DLC1: variants seen among roughly 807,000 people sequenced by gnomAD.
DLC1 encodes rho GTPase-activating protein 7.
Under a neutral mutation model 140.3 loss-of-function variants are expected in DLC1, and 54 were observed. That is an observed-to-expected ratio of 0.38 (90% CI 0.31 to 0.48). DLC1 has a LOEUF of 0.48. Among genes scored for constraint, DLC1 ranks in the 20% least tolerant of loss-of-function variants. DLC1 has a pLI of 0.96. For missense variants in DLC1, 2,536 were observed against 1,907.0 expected (o/e 1.33, Z -6.14); for synonymous variants, 986 against 728.1 (o/e 1.35, Z -5.70).
intron 5 of DLC1, among the ~76,000 whole-genome samples, chr8:13,136,860 G>T (rs183933444): frequency 7.0e-4 from 106 of 152,250 alleles, no homozygotes; most frequent in Non-Finnish European, 1.2e-3. Flanking sequence ...TTTCATGGCT[G>T]TGTAGTTGAA....
chr8:13,369,354 CGA>C (rs1835631461), intron 4 of DLC1, among the ~76,000 whole-genome samples: 9 of 128,078 alleles, frequency 7.0e-5, no homozygotes, highest in Admixed American at 8.0e-5. Flanking sequence ...TTGGCTGGGT[CGA>C]AAAAAAAAAA....
intron 5 of DLC1, among the ~76,000 whole-genome samples, chr8:13,149,399 C>T (rs1823651586): frequency 6.6e-6 from 1 of 152,176 alleles, no homozygotes; most frequent in African/African-American, 2.4e-5. Flanking sequence ...TGCTCTGAAG[C>T]AGTCTGTGTC....
rs529172895 is a variant in DLC1 at position 13,182,084 on chromosome 8, C to G, written c.1349-66427G>C. The stretch of plus-strand genomic sequence containing the variant: ...GTTTTGATTTGCATTTCTCTGATGA[C>G]CAGGGATGATGAGCATTTTTTCATG... On this transcript the variant is annotated intron_variant, in intron 5 of 17. Transcript: ENST00000276297. Among the ~76,000 whole-genome samples, 24 of 152,232 alleles carry G rather than the reference C, an allele frequency of 1.6e-4. 1 individual carries two copies. In the South Asian group the frequency reaches 5.0e-3, roughly 32 times the overall value.
At chr8:13,333,032 C>A (rs554163453) in intron 4 of DLC1, among the ~76,000 whole-genome samples, 1 of 152,024 alleles carries the variant, frequency 6.6e-6, no homozygotes, top group Non-Finnish European at 1.5e-5. Context: ...CACTATGATT[C>A]TAGAAAAACT....
In DLC1 at chr8:13,598,759, G is replaced by T. The variant is rs1032204679; in HGVS notation, c.-126+5778C>A. ...TCAATTTATGCATTGGCCTTAGAAT[G>T]TGACAAAGCAACTCCAAGTCAACTC... is the stretch of plus-strand genomic sequence containing the variant. On this transcript the variant is annotated intron_variant, in intron 1 of 1. Coordinates refer to the DLC1 transcript ENST00000631382. 2.0e-5 allele frequency among the ~76,000 whole-genome samples: 3 copies of T among 151,984 alleles called. No homozygotes were observed. In the East Asian group the frequency reaches 5.8e-4, roughly 30 times the overall value.
rs1211432468 is a variant in DLC1, at chr8:13,102,834, T to G, written c.1522A>C (p.Lys508Gln). 2 of 1,614,098 alleles carry G rather than the reference T, an allele frequency of 1.2e-6. No homozygotes were observed. Among genetic ancestry groups the G allele is most frequent in the Admixed American group, 1.7e-5 (1 of 60,030 alleles). The change falls in exon 8 of 18, where the codon AAA becomes CAA. Residue 508 changes from lysine (K) to glutamine (Q), a missense_variant. By Grantham distance (53) the Lys-to-Gln change is moderately conservative. Coordinates refer to ENST00000276297, the MANE Select transcript of DLC1 (RefSeq NM_182643.3). Reference protein sequence around the residue: ...ALCRRLNTLNKCAVMKLEISP... With the variant: ...ALCRRLNTLNQCAVMKLEISP... ...ATTTCTAGCTTCATCACCGCACATT[T>G]GTTTAAAGTATTTAGACGCCTATAG...
At chr8:13,588,563 A>G (rs184590667) in intron 1 of DLC1, among the ~76,000 whole-genome samples, 1 of 152,098 alleles carries the variant, frequency 6.6e-6, no homozygotes, top group East Asian at 1.9e-4. Context: ...AAAACTCCCA[A>G]TTTTACTGGA....
At chr8:13,124,310 T>C (rs923466846) in intron 5 of DLC1, among the ~76,000 whole-genome samples, 6 of 152,090 alleles carry the variant, frequency 3.9e-5, no homozygotes, top group Non-Finnish European at 7.4e-5. Flanking sequence ...ATTATGATCT[T>C]GGATATGAAA....
chr8:13,387,361 T>C (rs181900470), intron 4 of DLC1, among the ~76,000 whole-genome samples: 1 of 152,164 alleles, frequency 6.6e-6, no homozygotes, highest in African/African-American at 2.4e-5. Flanking sequence ...AAAATTCATC[T>C]GATAACCATT....
chr8:13,143,848 G>GAGACAT (rs1554584131), intron 5 of DLC1, among the ~76,000 whole-genome samples: 3 of 147,816 alleles, frequency 2.0e-5, no homozygotes, highest in East Asian at 3.9e-4. Context: ...GAGAGAGAGA[G>GAGACAT]AGAGACATAG....
chr8:13,186,883 T>C (rs565559426), intron 5 of DLC1, among the ~76,000 whole-genome samples: 1 of 152,362 alleles, frequency 6.6e-6, no homozygotes, highest in South Asian at 2.1e-4. Flanking sequence ...TTTCTGTTTG[T>C]TAGTTTTCCT....
At chr8:13,135,403 G>T (rs932679114) in intron 5 of DLC1, among the ~76,000 whole-genome samples, 1 of 151,866 alleles carries the variant, frequency 6.6e-6, no homozygotes, top group Non-Finnish European at 1.5e-5. Flanking sequence ...AGATGGTCTC[G>T]ATCTCCTGAC....
At chr8:13,169,870 G>C (rs537548210) in intron 5 of DLC1, among the ~76,000 whole-genome samples, 2,439 of 146,772 alleles carry the variant, frequency 0.017, 62 homozygotes, top group African/African-American at 0.057. Flanking sequence ...AAAAAAAAAA[G>C]CCAGATGCGG....
chr8:13,528,303 C>T (rs997839405), intron 1 of DLC1, among the ~76,000 whole-genome samples: 2 of 151,986 alleles, frequency 1.3e-5, no homozygotes, highest in African/African-American at 4.8e-5. Flanking sequence ...TCATGAATTT[C>T]AATGACCAGG....
At chr8:13,459,950 A>G (rs1799584552) in intron 2 of DLC1, among the ~76,000 whole-genome samples, 1 of 151,948 alleles carries the variant, frequency 6.6e-6, no homozygotes, top group South Asian at 2.1e-4. Flanking sequence ...TTGTGCCGGG[A>G]AGGACCTCCT....
intron 4 of DLC1, among the ~76,000 whole-genome samples, chr8:13,324,688 C>A (rs571915502): frequency 6.6e-6 from 1 of 151,908 alleles, no homozygotes; most frequent in South Asian, 2.1e-4. Context: ...TCAATATAAA[C>A]CATGTACTTT....
chr8:13,242,570 T>C (rs1334279659), intron 5 of DLC1, among the ~76,000 whole-genome samples: 1 of 151,986 alleles, frequency 6.6e-6, no homozygotes, highest in Non-Finnish European at 1.5e-5. Flanking sequence ...CTTTTTTAAT[T>C]TTTTGTACAG....
At chr8:13,441,883 G>T (rs546371975) in intron 2 of DLC1, among the ~76,000 whole-genome samples, 1 of 152,080 alleles carries the variant, frequency 6.6e-6, no homozygotes, top group African/African-American at 2.4e-5. Flanking sequence ...CCAAAAAAGG[G>T]CCTGCATTGC....
intron 1 of DLC1, among the ~76,000 whole-genome samples, chr8:13,525,989 T>C (rs1802911411): frequency 6.6e-6 from 1 of 152,170 alleles, no homozygotes; most frequent in African/African-American, 2.4e-5. Context: ...TATGTAGAGA[T>C]AATTTTTTAT....
Sources: gnomAD v4.1 joint callset for allele counts (sites outside exome capture counted in the v4.1 genomes callset) on GRCh38, gnomAD v4.1.1 for gene constraint, MANE v1.5 for transcripts, NCBI Gene and HGNC (gene_info 2026-07-23, HGNC 2026-07-21) for gene names.